The following DNAJC1 variants were observed in gnomAD, a reference collection of about 807,000 sequenced individuals.
DNAJC1 encodes the protein DnaJ heat shock protein family (Hsp40) member C1.
A neutral mutation model predicts 76.6 loss-of-function variants in DNAJC1; 58 were observed. The observed-to-expected ratio is 0.76, with a 90% CI of 0.61 to 0.94. The LOEUF (loss-of-function observed/expected upper bound fraction) is 0.94. Ranked by LOEUF, DNAJC1 falls within the 40% of genes least tolerant of loss-of-function variation. DNAJC1 has a pLI of 0.00. For missense variants in DNAJC1, 689 were observed against 677.3 expected, an observed-to-expected ratio of 1.02 and a Z score of -0.19; for synonymous variants, 258 against 267.9, an observed-to-expected ratio of 0.96 and a Z score of 0.36.
chr10:21,922,211 G>A (rs151139787), intron 3 of DNAJC1, among the ~76,000 whole-genome samples: 63 of 152,076 alleles, frequency 4.1e-4, no homozygotes, highest in African/African-American at 1.4e-3. Flanking sequence ...AACAACTGCA[G>A]TAGCTACTTT....
chr10:21,845,520 A>C lies in DNAJC1; in HGVS notation c.978+36762T>G, dbSNP rs1164930817. On this transcript the variant is annotated intron_variant, in intron 8 of 11. Transcript: ENST00000376980. ...TAGGTGTGTGCCACCATGCCCGGCTAATGTTTGTATTTTTAATAGAGACAG... is the reference window on the plus strand; with the variant it reads ...TAGGTGTGTGCCACCATGCCCGGCTCATGTTTGTATTTTTAATAGAGACAG... Among the ~76,000 whole-genome samples, 4 of 151,770 alleles carry C rather than the reference A, an allele frequency of 2.6e-5. No homozygotes were observed. In the East Asian group the frequency reaches 7.8e-4, roughly 29 times the overall value.
chr10:21,783,948 C>T (rs1277084124), intron 9 of DNAJC1, among the ~76,000 whole-genome samples: 7 of 152,126 alleles, frequency 4.6e-5, no homozygotes, highest in Admixed American at 4.6e-4. Flanking sequence ...CCATAAAAAC[C>T]CTAGAAGAAA....
intron 9 of DNAJC1, among the ~76,000 whole-genome samples, chr10:21,796,746 A>G (rs574991154): frequency 6.6e-6 from 1 of 152,254 alleles, no homozygotes; most frequent in East Asian, 1.9e-4. Flanking sequence ...TTTCTATGTC[A>G]TCTTTGTAGA....
intron 8 of DNAJC1, among the ~76,000 whole-genome samples, chr10:21,816,139 G>A (rs1183261084): frequency 7.3e-5 from 11 of 150,282 alleles, no homozygotes; most frequent in Non-Finnish European, 7.4e-5. Context: ...GGGCTGAGGC[G>A]GGGGGATCAC....
At chr10:21,820,843 G>A (rs1352149294) in intron 8 of DNAJC1, among the ~76,000 whole-genome samples, 1 of 152,172 alleles carries the variant, frequency 6.6e-6, no homozygotes, top group Non-Finnish European at 1.5e-5. Context: ...AGATACAGGT[G>A]AAAAGACGTT....
At chr10:21,889,567 GA>G (rs1275877953) in intron 7 of DNAJC1, among the ~76,000 whole-genome samples, 4 of 152,066 alleles carry the variant, frequency 2.6e-5, no homozygotes, top group Non-Finnish European at 1.5e-5. Context: ...AACACAAGAA[GA>G]ATTTGAAAGT....
intron 3 of DNAJC1, among the ~76,000 whole-genome samples, chr10:21,923,721 T>C (rs975979828): frequency 1.3e-5 from 2 of 151,872 alleles, no homozygotes; most frequent in African/African-American, 4.8e-5. Flanking sequence ...TTGATTTTCT[T>C]AAAATATACA....
At chr10:21,980,878 T>C (rs1213956872) in intron 1 of DNAJC1, among the ~76,000 whole-genome samples, 3 of 152,128 alleles carry the variant, frequency 2.0e-5, no homozygotes, top group African/African-American at 4.8e-5. Context: ...ACTAAATGTG[T>C]TCTTCTTTTT....
chr10:21,972,216 A>G (rs1802583243), intron 1 of DNAJC1, among the ~76,000 whole-genome samples: 1 of 151,992 alleles, frequency 6.6e-6, no homozygotes, highest in Non-Finnish European at 1.5e-5. Context: ...AAATTGCTAT[A>G]AAATTTTCTA....
chr10:21,986,389 A>T lies in DNAJC1; in HGVS notation c.222+16824T>A, dbSNP rs112672355. On this transcript the variant is annotated intron_variant, in intron 1 of 11. Transcript: ENST00000376980. Reference sequence around the variant, plus strand: ...TTATCTCCTTATGGATTTAATTTGCATTTCTTTAATAACTACTACTATTGA... The same window carrying T: ...TTATCTCCTTATGGATTTAATTTGCTTTTCTTTAATAACTACTACTATTGA... Among the ~76,000 whole-genome samples the T allele has an allele frequency of 6.2e-4, 95 of 152,240 alleles. 1 individual carries two copies. Among genetic ancestry groups the T allele is most frequent in the African/African-American group, 2.2e-3 (92 of 41,554 alleles).
intron 9 of DNAJC1, among the ~76,000 whole-genome samples, chr10:21,777,657 T>C (rs1212881876): frequency 6.6e-6 from 1 of 152,180 alleles, no homozygotes; most frequent in Non-Finnish European, 1.5e-5. Context: ...ATATGCAGGG[T>C]TTGAAATCAT....
chr10:21,998,265 C>T (rs1838451265), intron 1 of DNAJC1, among the ~76,000 whole-genome samples: 1 of 151,562 alleles, frequency 6.6e-6, no homozygotes, highest in Non-Finnish European at 1.5e-5. Context: ...TGGCAGGTGC[C>T]TGTAATCCCA....
chr10:21,793,405 A>G (rs555395867), intron 9 of DNAJC1, among the ~76,000 whole-genome samples: 6 of 152,338 alleles, frequency 3.9e-5, no homozygotes, highest in African/African-American at 1.4e-4. Context: ...GATCAGGAAC[A>G]AGGCAAGTAT....
intron 8 of DNAJC1, among the ~76,000 whole-genome samples, chr10:21,819,129 G>A (rs561367618): frequency 1.1e-4 from 16 of 152,136 alleles, no homozygotes; most frequent in South Asian, 2.1e-4. Flanking sequence ...TGGGCCAGGC[G>A]CGGTGGCTCA....
At chr10:21,881,008 A>G (rs1356465438) in intron 8 of DNAJC1, among the ~76,000 whole-genome samples, 2 of 152,214 alleles carry the variant, frequency 1.3e-5, no homozygotes, top group Admixed American at 6.5e-5. Flanking sequence ...AACTTGCTGC[A>G]GCTTCTCCAT....
intron 8 of DNAJC1, among the ~76,000 whole-genome samples, chr10:21,818,035 C>T (rs1835102918): frequency 6.6e-6 from 1 of 152,170 alleles, no homozygotes; most frequent in African/African-American, 2.4e-5. Context: ...AACAGGATAA[C>T]AGCAATGTTC....
At chr10:21,926,598 T>C (rs568420278) in intron 3 of DNAJC1, among the ~76,000 whole-genome samples, 2 of 152,290 alleles carry the variant, frequency 1.3e-5, no homozygotes, top group Admixed American at 1.3e-4. Context: ...CATTAAGTAA[T>C]TGTCTGCAGA....
At chr10:21,886,995 T>C (rs985751644) in intron 7 of DNAJC1, among the ~76,000 whole-genome samples, 5 of 152,120 alleles carry the variant, frequency 3.3e-5, no homozygotes, top group African/African-American at 9.7e-5. Flanking sequence ...GAAAACCCCA[T>C]AGTTTCGGCC....
chr10:21,846,508 C>T (rs1188486718), intron 8 of DNAJC1, among the ~76,000 whole-genome samples: 1 of 152,010 alleles, frequency 6.6e-6, no homozygotes, highest in Non-Finnish European at 1.5e-5. Context: ...TCCACATATG[C>T]AGAGGTATTA....
Sources: gnomAD v4.1 joint callset for allele counts (sites outside exome capture counted in the v4.1 genomes callset) on GRCh38, gnomAD v4.1.1 for gene constraint, MANE v1.5 for transcripts, NCBI Gene and HGNC (gene_info 2026-07-23, HGNC 2026-07-21) for gene names.